GRM4: variants seen among roughly 807,000 people sequenced by gnomAD.
The protein encoded by GRM4 is metabotropic glutamate receptor 4.
GRM4 carries 28 observed loss-of-function variants against 81.7 expected under a neutral mutation model. The observed-to-expected ratio is 0.34, with a 90% CI of 0.25 to 0.47. GRM4 has a LOEUF of 0.47. GRM4 is among the 20% of genes least tolerant of loss of function. GRM4 has a pLI of 1.00. For synonymous variants in GRM4, 488 were observed against 528.8 expected, an observed-to-expected ratio of 0.92 and a Z score of 1.06; for missense variants, 948 against 1,290.0, an observed-to-expected ratio of 0.73 and a Z score of 4.06.
rs1765434656 is a variant in GRM4 at position 34,047,977 on chromosome 6, G to C, written c.1169-7229C>G. Among the ~76,000 whole-genome samples the C allele has an allele frequency of 6.6e-6, 1 of 152,206 alleles. No homozygotes were observed. Among genetic ancestry groups the C allele is most frequent in the Non-Finnish European group, 1.5e-5 (1 of 68,042 alleles). On this transcript the variant is annotated intron_variant, in intron 6 of 10. Transcript: ENST00000538487. The surrounding 1 kb of genome is among the most constrained non-coding windows in gnomAD (Gnocchi z 4.5). ...CCCCAGCAAAAAAACACTAAGGAGAGAAGCTGAGAGCTTGGCTATGACAGT... is the reference window on the plus strand; with the variant it reads ...CCCCAGCAAAAAAACACTAAGGAGACAAGCTGAGAGCTTGGCTATGACAGT...
chr6:34,062,070 C>T (rs12523881), intron 3 of GRM4, 42 bp from the exon 4 acceptor site: 1 of 1,579,684 alleles, frequency 6.3e-7, no homozygotes, highest in South Asian at 1.2e-5. Flanking sequence ...GCAGGGGAAC[C>T]TGAGTCTCCC....
Position 34,064,618 on chromosome 6 carries a change from A to G in GRM4, c.737-2590T>C, listed in dbSNP as rs1766355588. Among the ~76,000 whole-genome samples the G allele has an allele frequency of 2.0e-5, 3 of 152,136 alleles. No individual in the cohort carries two copies. The highest frequency in any genetic ancestry group is 4.1e-4 in the South Asian group (2 of 4,828). ...TGGGTTCCCTCTGTTTCACAGCCCT[A>G]TTGTCAGCATGTCCGCTCAGGGGAG... On this transcript the variant is annotated intron_variant, in intron 3 of 10. Coordinates refer to ENST00000538487, the MANE Select transcript of GRM4 (RefSeq NM_000841.4). This position sits in a 1 kb window ranked among gnomAD's most constrained non-coding sequence, Gnocchi z 4.4.
At chr6:34,131,050 C>T (rs1770212950) in intron 2 of GRM4, among the ~76,000 whole-genome samples, 1 of 152,210 alleles carries the variant, frequency 6.6e-6, no homozygotes, top group Admixed American at 6.5e-5. Flanking sequence ...AGTGATGACT[C>T]ATCTGGCCTG....
chr6:34,075,529 C>T (rs1439150947), intron 3 of GRM4, among the ~76,000 whole-genome samples: 1 of 152,190 alleles, frequency 6.6e-6, no homozygotes, highest in South Asian at 2.1e-4. Context: ...GGAAGCTCAT[C>T]GTGCCCGTCT....
At chr6:34,093,108 G>A (rs894912904) in intron 2 of GRM4, among the ~76,000 whole-genome samples, 10 of 152,180 alleles carry the variant, frequency 6.6e-5, no homozygotes, top group Admixed American at 5.9e-4. Context: ...GGCTGGCGTC[G>A]AAACTAAGAT....
intron 1 of GRM4, among the ~76,000 whole-genome samples, chr6:34,141,405 T>G (rs1049922291): frequency 2.0e-5 from 3 of 152,188 alleles, no homozygotes; most frequent in African/African-American, 7.2e-5. Context: ...CATTTCCCAA[T>G]TACCACAGAT....
chr6:34,075,959 A>C (rs937041), intron 3 of GRM4, among the ~76,000 whole-genome samples: 18,209 of 152,226 alleles, frequency 0.12, 2,412 homozygotes, highest in African/African-American at 0.32. Context: ...AATGGGAGCC[A>C]GCGCTGGGCT....
intron 6 of GRM4, chr6:34,055,682 C>G (rs1765836446): frequency 6.6e-6 from 1 of 152,234 alleles, no homozygotes; most frequent in Non-Finnish European, 1.5e-5. Flanking sequence ...GACCCCTGTC[C>G]GGATGTATCT....
intron 1 of GRM4, among the ~76,000 whole-genome samples, chr6:34,138,091 A>G (rs1770536682): frequency 6.6e-6 from 1 of 152,226 alleles, no homozygotes; most frequent in South Asian, 2.1e-4. Context: ...AAACTAAGAA[A>G]ATAGAACAAA....
rs1018627170 is a variant in GRM4, at chr6:34,115,166, C to T, written c.519+17812G>A. Among the ~76,000 whole-genome samples the T allele has an allele frequency of 1.8e-4, 28 of 152,308 alleles. No individual in the cohort carries two copies. Among genetic ancestry groups the T allele is most frequent in the African/African-American group, 5.1e-4 (21 of 41,558 alleles). On this transcript the variant is annotated intron_variant, in intron 2 of 10. Transcript: ENST00000538487. This position sits in a 1 kb window ranked among gnomAD's most constrained non-coding sequence, Gnocchi z 4.1. Reference sequence around the variant, plus strand: ...TCAGGGCCCTGCCTAAACGCCAACACGCTGCCTCTGGGCCAGCCACCAGCC... The same window carrying T: ...TCAGGGCCCTGCCTAAACGCCAACATGCTGCCTCTGGGCCAGCCACCAGCC...
chr6:34,140,279 C>T (rs1390290455), intron 1 of GRM4, among the ~76,000 whole-genome samples: 1 of 152,006 alleles, frequency 6.6e-6, no homozygotes, highest in Non-Finnish European at 1.5e-5. Context: ...ACTTGATGTT[C>T]GAGAATGAGC....
At position 34,059,201 on chromosome 6, in the gene GRM4, C is replaced by T; in HGVS notation, c.873-73G>A. 3 of 1,423,080 alleles carry T rather than the reference C, an allele frequency of 2.1e-6. No homozygotes were observed. Among genetic ancestry groups the T allele is most frequent in the Non-Finnish European group, 2.9e-6 (3 of 1,021,114 alleles). 88.2% of individuals were successfully genotyped at this position (1,423,080 alleles called of 1,614,324 possible). On this transcript the variant is annotated intron_variant, in intron 4 of 10. Coordinates refer to ENST00000538487, the MANE Select transcript of GRM4 (RefSeq NM_000841.4). The surrounding 1 kb of genome is among the most constrained non-coding windows in gnomAD (Gnocchi z 5.7). ...CTGCCCCCACTCCTGGCCACACTTG[C>T]TTTGGGCCCACGTCCCTCACCCCCA... is the stretch of plus-strand genomic sequence containing the variant.
At chr6:34,132,950 A>G in intron 2 of GRM4, 28 bp downstream of exon 2, 1 of 1,547,994 alleles carries the variant, frequency 6.5e-7, no homozygotes, top group Non-Finnish European at 8.8e-7. Flanking sequence ...GGGGAAGAGC[A>G]CCTCAGGGGA....
In GRM4 at chr6:34,092,152, AG is replaced by A. The variant is rs1768266490; in HGVS notation, c.520-54del. 1 of 1,259,352 alleles carries A rather than the reference AG, an allele frequency of 7.9e-7. No individual in the cohort carries two copies. The highest frequency in any genetic ancestry group is 1.5e-5 in the African/African-American group (1 of 68,374). The allele number at this position is 1,259,352 out of a possible 1,614,324, so 78.0% of individuals were successfully genotyped here. A position where few individuals can be genotyped will look rare whatever the true frequency, so the allele number is the denominator to read the frequency against. On this transcript the variant is annotated intron_variant, in intron 2 of 10. Transcript: ENST00000538487. This position sits in a 1 kb window ranked among gnomAD's most constrained non-coding sequence, Gnocchi z 6.8. ...TGGCGACTGGCTCCCCACCCTGCCTAGCCAGCCCCATTCCCCTACACACCAA... is the reference window on the plus strand; with the variant it reads ...TGGCGACTGGCTCCCCACCCTGCCTACCAGCCCCATTCCCCTACACACCAA...
At chr6:34,150,732 G>C (rs1771028720), upstream of GRM4, among the ~76,000 whole-genome samples, 2 of 152,208 alleles carry the variant, frequency 1.3e-5, no homozygotes, top group Admixed American at 1.3e-4. Flanking sequence ...GGGAATATGA[G>C]AAAGGAAAAG....
chr6:34,061,836 G>A lies in GRM4; in HGVS notation c.872+57C>T, dbSNP rs1766194619. The A allele has an allele frequency of 3.8e-6, 6 of 1,561,752 alleles. No individual in the cohort carries two copies. The East Asian group carries it at 1.4e-4, about 35-fold the overall frequency. The stretch of plus-strand genomic sequence containing the variant: ...AGGTCTCCAGCAGGACAGGACCCGT[G>A]GCTTTGCCCACACCTGCATGGCTCC... On this transcript the variant is annotated intron_variant, in intron 4 of 10. Coordinates refer to ENST00000538487, the MANE Select transcript of GRM4 (RefSeq NM_000841.4).
chr6:34,062,135 C>CCCCAGCCTGACTCCCAGCCCT (rs1766220213), intron 3 of GRM4, 107 bp from the exon 4 acceptor site: 1 of 1,228,774 alleles, frequency 8.1e-7, no homozygotes, highest in Non-Finnish European at 1.1e-6. Flanking sequence ...TGCCCAGGCT[C>CCCCAGCCTGACTCCCAGCCCT]CCCAGCCTGA....
At chr6:34,106,309 G>A (rs1769123783) in intron 2 of GRM4, among the ~76,000 whole-genome samples, 1 of 151,960 alleles carries the variant, frequency 6.6e-6, no homozygotes, top group Non-Finnish European at 1.5e-5. Flanking sequence ...CAGCTACTCA[G>A]GAGGCTGGGG....
rs1012632788 is a variant in GRM4 at position 34,152,827 on chromosome 6, G to C, written c.312+2252C>G. On this transcript the variant is annotated intron_variant, in intron 1 of 8. Transcript: ENST00000374177. The surrounding 1 kb of genome is among the most constrained non-coding windows in gnomAD (Gnocchi z 4.1). ...ATGAGGCCCCCACAATGGAAGACAA[G>C]GGGGACAGGCAGGAGCAAGGTGGGA... 2.8e-4 allele frequency among the ~76,000 whole-genome samples: 43 copies of C among 152,174 alleles called. No homozygotes were observed. Among genetic ancestry groups the C allele is most frequent in the African/African-American group, 1.0e-3 (43 of 41,432 alleles).
Sources: gnomAD v4.1 joint callset for allele counts (sites outside exome capture counted in the v4.1 genomes callset) on GRCh38, gnomAD v4.1.1 for gene constraint, Gnocchi (gnomAD v3.1) non-coding constraint, MANE v1.5 for transcripts, NCBI Gene and HGNC (gene_info 2026-07-23, HGNC 2026-07-21) for gene names.